The following EXD3 variants were observed in gnomAD, a reference collection of about 807,000 sequenced individuals.
EXD3 encodes exonuclease mut-7 homolog.
Under a neutral mutation model 98.0 loss-of-function variants are expected in EXD3, and 92 were observed. The observed-to-expected ratio is 0.94, with a 90% CI of 0.79 to 1.12. EXD3 has a LOEUF of 1.12. EXD3 is among the 50% of genes most tolerant of loss of function. EXD3 has a pLI of 0.00. For missense variants in EXD3, 1,222 were observed against 1,191.6 expected (o/e 1.03, Z -0.38); for synonymous variants, 569 against 526.0 (o/e 1.08, Z -1.12).
At chr9:137,352,955 G>A in intron 10 of EXD3, 169 bp from the exon 11 acceptor site, 11 of 1,415,392 alleles carry the variant, frequency 7.8e-6, no homozygotes, top group Non-Finnish European at 1.0e-5. Context: ...CTGAGGTCAA[G>A]GTTCCACAGG....
chr9:137,404,505 T>C (rs1406090930), intron 1 of EXD3, among the ~76,000 whole-genome samples: 1 of 152,268 alleles, frequency 6.6e-6, no homozygotes, highest in Admixed American at 6.5e-5. Context: ...AAGGCAATTA[T>C]GCATGTAATA....
intron 8 of EXD3, among the ~76,000 whole-genome samples, chr9:137,355,737 T>TGGAGGAAGG (rs1834742066): frequency 2.7e-5 from 1 of 36,780 alleles, no homozygotes; most frequent in African/African-American, 1.1e-4. Context: ...AAGGAGGACC[T>TGGAGGAAGG]AGAAACACTG....
intron 17 of EXD3, among the ~76,000 whole-genome samples, chr9:137,329,285 C>G (rs890941772): frequency 7.6e-5 from 1 of 13,190 alleles, no homozygotes; most frequent in Non-Finnish European, 1.1e-4. Context: ...GGGAGCTACA[C>G]GGGGCTACAG....
chr9:137,333,612 T>C (rs1159344744), intron 17 of EXD3, among the ~76,000 whole-genome samples: 1 of 152,142 alleles, frequency 6.6e-6, no homozygotes, highest in African/African-American at 2.4e-5. Context: ...GTCCTGTCCT[T>C]GCCTGGTCGT....
At chr9:137,352,490 C>A (rs956684860) in intron 11 of EXD3, 130 bp downstream of exon 11, 4 of 1,019,740 alleles carry the variant, frequency 3.9e-6, no homozygotes, top group South Asian at 1.7e-5. Context: ...TGTATAGCTG[C>A]GCTCTTTGTT....
intron 8 of EXD3, among the ~76,000 whole-genome samples, chr9:137,355,626 G>GAAGGAGGAAGGAGGA (rs1564508910): frequency 7.1e-5 from 1 of 14,050 alleles, no homozygotes; most frequent in African/African-American, 6.5e-4. Context: ...AGGAAGGGAG[G>GAAGGAGGAAGGAGGA]ATGGAGGAAG....
intron 1 of EXD3, among the ~76,000 whole-genome samples, chr9:137,404,966 G>A (rs1465894585): frequency 2.6e-5 from 4 of 152,000 alleles, no homozygotes; most frequent in African/African-American, 9.7e-5. Context: ...TATCCCCTCA[G>A]AGCTGTTGCC....
At position 137,306,938 on chromosome 9, in the gene EXD3, G is replaced by T; in HGVS notation, c.*12C>A. The T allele has an allele frequency of 6.5e-7, 1 of 1,549,496 alleles. No homozygotes were observed. The highest frequency in any genetic ancestry group is 8.7e-7 in the Non-Finnish European group (1 of 1,146,350). ...CAGTCGGGCACTTTCCATGTTTATT[G>T]TCTGGCTGTCCTCAGAAGGGACTGC... On this transcript the variant is annotated 3_prime_UTR_variant, in exon 22 of 22. Transcript: ENST00000340951.
At chr9:137,416,363 T>C (rs950821868) in intron 1 of EXD3, among the ~76,000 whole-genome samples, 3 of 152,166 alleles carry the variant, frequency 2.0e-5, no homozygotes, top group African/African-American at 7.2e-5. Context: ...TCACACAGCC[T>C]CTGCCACCTT....
At chr9:137,334,848 C>A (rs866550697) in intron 17 of EXD3, among the ~76,000 whole-genome samples, 1 of 152,078 alleles carries the variant, frequency 6.6e-6, no homozygotes, top group African/African-American at 2.4e-5. Context: ...GAGGCCGAGG[C>A]GGGCGGATCA....
At chr9:137,354,522 C>G in intron 9 of EXD3, 145 bp from the exon 10 acceptor site, 1 of 1,538,900 alleles carries the variant, frequency 6.5e-7, no homozygotes, top group Non-Finnish European at 8.7e-7. Flanking sequence ...AGCCCAGAGC[C>G]AGGGCCCCAT....
chr9:137,309,748 G>GC, intron 19 of EXD3, 48 bp from the exon 20 acceptor site: 1 of 1,433,970 alleles, frequency 7.0e-7, no homozygotes. Context: ...TTCTCCGGGT[G>GC]CCCCATACCC....
intron 1 of EXD3, among the ~76,000 whole-genome samples, chr9:137,401,215 G>A (rs1357893691): frequency 3.4e-5 from 5 of 147,222 alleles, no homozygotes; most frequent in East Asian, 2.1e-4. Flanking sequence ...GTGCAGTGGC[G>A]CGATCTCAGC....
intron 17 of EXD3, among the ~76,000 whole-genome samples, chr9:137,329,475 AG>A (rs1352175303): frequency 0.032 from 29 of 918 alleles, 10 homozygotes; most frequent in South Asian, 0.083. Flanking sequence ...GCTACACGGG[AG>A]CTACACGGGA....
rs1477672804 is a variant in EXD3, at chr9:137,347,886, C to G, written c.1998+185G>C. On this transcript the variant is annotated intron_variant, in intron 17 of 21. Transcript: ENST00000340951. This position sits in a 1 kb window ranked among gnomAD's most constrained non-coding sequence, Gnocchi z 4.2. ...GGACAATGAGGGCTGAGGCTGGGAC[C>G]ATCTCAGCCACTTGGCCCCCAACCG... 6.6e-6 allele frequency among the ~76,000 whole-genome samples: 1 copy of G among 152,158 alleles called. No homozygotes were observed. Among genetic ancestry groups the G allele is most frequent in the Non-Finnish European group, 1.5e-5 (1 of 68,024 alleles).
intron 19 of EXD3, among the ~76,000 whole-genome samples, chr9:137,319,718 T>G (rs1372434819): frequency 6.6e-6 from 1 of 152,192 alleles, no homozygotes; most frequent in African/African-American, 2.4e-5. Flanking sequence ...GAGGCACTTG[T>G]GCAAAGCAAG....
At chr9:137,372,006 G>C (rs1228206071) in intron 5 of EXD3, among the ~76,000 whole-genome samples, 1 of 152,178 alleles carries the variant, frequency 6.6e-6, no homozygotes, top group African/African-American at 2.4e-5. Context: ...ACGGGGCTGT[G>C]ATGCTAGACC....
intron 1 of EXD3, among the ~76,000 whole-genome samples, chr9:137,406,130 C>T (rs1410788658): frequency 2.0e-5 from 3 of 151,272 alleles, no homozygotes; most frequent in East Asian, 1.9e-4. Flanking sequence ...GTGGGAGGAC[C>T]GCTTGAGCCC....
chr9:137,327,439 G>C (rs191702200), intron 17 of EXD3, among the ~76,000 whole-genome samples: 4 of 152,258 alleles, frequency 2.6e-5, no homozygotes, highest in Non-Finnish European at 4.4e-5. Context: ...GGCCAGTATG[G>C]AGTCTTTGGG....
Sources: allele counts gnomAD v4.1 joint callset (sites outside exome capture counted in the v4.1 genomes callset), GRCh38; gene constraint gnomAD v4.1.1; non-coding constraint Gnocchi (gnomAD v3.1); transcripts MANE v1.5; gene names NCBI Gene and HGNC (gene_info 2026-07-23, HGNC 2026-07-21).